Variants in RACGAP1 observed in about 807,000 individuals in gnomAD.
The protein encoded by RACGAP1 is Rac GTPase activating protein 1.
A neutral mutation model predicts 78.1 loss-of-function variants in RACGAP1; 30 were observed. The ratio of observed to expected loss-of-function variants is 0.38; its 90% CI spans 0.29 to 0.52. The LOEUF (loss-of-function observed/expected upper bound fraction) is 0.52. Ranked by LOEUF, RACGAP1 falls within the 20% of genes least tolerant of loss-of-function variation. RACGAP1 has a pLI of 0.82. For synonymous variants in RACGAP1, 231 were observed against 264.8 expected, an observed-to-expected ratio of 0.87 and a Z score of 1.24; for missense variants, 587 against 777.1, an observed-to-expected ratio of 0.76 and a Z score of 2.91.
chr12:50,020,135 C>T (rs567437532), intron 1 of RACGAP1, among the ~76,000 whole-genome samples: 5 of 152,222 alleles, frequency 3.3e-5, no homozygotes, highest in East Asian at 1.9e-4. Flanking sequence ...TGAAATGATT[C>T]GGGCACTAAA....
intron 15 of RACGAP1, among the ~76,000 whole-genome samples, chr12:49,991,475 A>AT (rs1380685369): frequency 5.9e-4 from 20 of 33,908 alleles, no homozygotes; most frequent in African/African-American, 1.7e-3. Flanking sequence ...ATATATATAT[A>AT]TATATTTTTT....
intron 15 of RACGAP1, among the ~76,000 whole-genome samples, chr12:49,991,473 A>T (rs1362162251): frequency 1.3e-4 from 4 of 30,400 alleles, no homozygotes; most frequent in African/African-American, 3.4e-4. Context: ...ATATATATAT[A>T]TATATATTTT....
chr12:50,030,612 T>G (rs1260935202), intron 2 of RACGAP1, among the ~76,000 whole-genome samples: 1 of 151,058 alleles, frequency 6.6e-6, no homozygotes, highest in African/African-American at 2.4e-5. Context: ...TTGCTTGAAC[T>G]CAGAAGGCAG....
intron 12 of RACGAP1, among the ~76,000 whole-genome samples, chr12:49,993,650 G>A (rs949196446): frequency 1.3e-5 from 2 of 151,824 alleles, no homozygotes; most frequent in African/African-American, 4.8e-5. Context: ...TCAGGAGGCT[G>A]AGGCAGGAGA....
At chr12:49,991,480 T>TATATATATATATATATATATATATA (rs1555169073) in intron 15 of RACGAP1, among the ~76,000 whole-genome samples, 42 of 13,218 alleles carry the variant, frequency 3.2e-3, no homozygotes, top group Admixed American at 5.5e-3. Context: ...TATATATATA[T>TATATATATATATATATATATATATA]TTTTTTTTTT....
At chr12:49,991,937 G>T (rs1469580278) in intron 15 of RACGAP1, 61 bp downstream of exon 15, 4 of 1,593,294 alleles carry the variant, frequency 2.5e-6, no homozygotes, top group African/African-American at 1.4e-5. Context: ...GCAGGAAGAG[G>T]TCATATGACT....
At position 50,016,887 on chromosome 12, in the gene RACGAP1, A is replaced by G. The variant is rs1005227259; in HGVS notation, c.-4-168T>C. On this transcript the variant is annotated intron_variant, in intron 1 of 16. Coordinates refer to ENST00000312377, the MANE Select transcript of RACGAP1 (RefSeq NM_001319999.2). ...TGTTTTGTGTGATTCTTATTATAAA[A>G]ACAAACTTGGAATGTTTAAGACTCA... The G allele has an allele frequency of 1.7e-5, 23 of 1,377,104 alleles. No homozygotes were observed. The Admixed American group carries it at 3.9e-4, about 23-fold the overall frequency. 85.3% of individuals were successfully genotyped at this position (1,377,104 alleles called of 1,614,324 possible).
At chr12:50,004,413 G>A (rs1328894805) in intron 4 of RACGAP1, 109 bp from the exon 5 acceptor site, 2 of 1,422,584 alleles carry the variant, frequency 1.4e-6, no homozygotes, top group Non-Finnish European at 1.9e-6. Flanking sequence ...TAATTTCATA[G>A]CAAAATCTTC....
intron 10 of RACGAP1, among the ~76,000 whole-genome samples, chr12:49,996,472 A>C (rs535948853): frequency 6.6e-6 from 1 of 151,182 alleles, no homozygotes; most frequent in South Asian, 2.1e-4. Context: ...CTACTAAAAA[A>C]TACAACCAAA....
At chr12:50,005,186 TTCAGA>T (rs1264868499) in intron 4 of RACGAP1, 65 bp downstream of exon 4, 2 of 1,586,258 alleles carry the variant, frequency 1.3e-6, no homozygotes, top group Non-Finnish European at 8.6e-7. Context: ...TATTTAAGAA[TTCAGA>T]TAACAAGAAT....
chr12:49,996,077 C>T (rs182019389), intron 10 of RACGAP1, among the ~76,000 whole-genome samples: 112 of 152,086 alleles, frequency 7.4e-4, no homozygotes, highest in Non-Finnish European at 1.4e-3. Context: ...TTTAGGAGGC[C>T]GAGGCAGGCG....
chr12:50,018,308 C>T (rs1201712945), intron 1 of RACGAP1, among the ~76,000 whole-genome samples: 3 of 152,082 alleles, frequency 2.0e-5, no homozygotes, highest in Non-Finnish European at 4.4e-5. Context: ...GAATCAGGGC[C>T]GGAAACCAAG....
At chr12:50,033,411 G>A (rs1172477035), upstream of RACGAP1, among the ~76,000 whole-genome samples, 2 of 152,120 alleles carry the variant, frequency 1.3e-5, no homozygotes, top group Non-Finnish European at 2.9e-5. Flanking sequence ...CCTCTGAGCT[G>A]AGCTTTGAAG....
chr12:50,031,108 A>T (rs1440386926), intron 2 of RACGAP1, among the ~76,000 whole-genome samples: 1 of 152,002 alleles, frequency 6.6e-6, no homozygotes, highest in African/African-American at 2.4e-5. Flanking sequence ...AAAAAATGTT[A>T]AAGTAAAAAT....
chr12:50,032,530 A>C (rs1950344024), intron 1 of RACGAP1, among the ~76,000 whole-genome samples: 2 of 99,156 alleles, frequency 2.0e-5, no homozygotes, highest in South Asian at 7.9e-4. Context: ...AGCAAAGGAA[A>C]AGGTGAGTGT....
chr12:50,000,316 T>C (rs957846173), intron 7 of RACGAP1, among the ~76,000 whole-genome samples: 9 of 151,442 alleles, frequency 5.9e-5, no homozygotes, highest in Admixed American at 2.0e-4. Context: ...CCTGGCCGAC[T>C]GATTTTTGTA....
chr12:50,006,360 G>T (rs762598868), intron 3 of RACGAP1, 74 bp downstream of exon 3: 42 of 1,512,256 alleles, frequency 2.8e-5, no homozygotes, highest in Non-Finnish European at 3.6e-5. Context: ...GGTATATTTG[G>T]CAAGTGGAAA....
At chr12:49,997,234 G>C (rs1948353574) in intron 9 of RACGAP1, 30 bp from the exon 10 acceptor site, 1 of 1,450,794 alleles carries the variant, frequency 6.9e-7, no homozygotes, top group Non-Finnish European at 9.2e-7. Context: ...AAGGAACAGA[G>C]TGATATGAAT....
upstream of RACGAP1, among the ~76,000 whole-genome samples, chr12:50,026,450 C>A (rs1950267861): frequency 6.6e-6 from 1 of 151,880 alleles, no homozygotes; most frequent in African/African-American, 2.4e-5. Flanking sequence ...AAATTTAGAT[C>A]TATTGTACAA....
Sources: gnomAD v4.1 joint callset for allele counts (sites outside exome capture counted in the v4.1 genomes callset) on GRCh38, gnomAD v4.1.1 for gene constraint, MANE v1.5 for transcripts, NCBI Gene and HGNC (gene_info 2026-07-23, HGNC 2026-07-21) for gene names.